Variants in CHD2 observed in about 807,000 individuals in gnomAD.
The protein encoded by CHD2 is chromodomain helicase DNA binding protein 2.
Under a neutral mutation model 243.9 loss-of-function variants are expected in CHD2, and 28 were observed. The ratio of observed to expected loss-of-function variants is 0.11; its 90% CI spans 0.09 to 0.16. The LOEUF (loss-of-function observed/expected upper bound fraction) is 0.16, where lower values mean the gene tolerates loss of function less well. Ranked by LOEUF, CHD2 falls within the 10% of genes least tolerant of loss-of-function variation. CHD2 has a pLI of 1.00. For missense variants in CHD2, 1,386 were observed against 2,209.8 expected (o/e 0.63, Z 7.47); for synonymous variants, 775 against 779.0 (o/e 0.99, Z 0.09).
At chr15:92,922,664 T>G (rs918173064) in intron 2 of CHD2, among the ~76,000 whole-genome samples, 3 of 152,218 alleles carry the variant, frequency 2.0e-5, no homozygotes, top group Admixed American at 1.3e-4. Flanking sequence ...CAGGGACTTT[T>G]CTGTTAATGT....
intron 16 of CHD2, among the ~76,000 whole-genome samples, chr15:92,957,016 T>A (rs980396961): frequency 1.3e-5 from 2 of 152,220 alleles, no homozygotes; most frequent in African/African-American, 4.8e-5. Flanking sequence ...AAATATCTGA[T>A]AACCGAAGCA....
intron 16 of CHD2, among the ~76,000 whole-genome samples, chr15:92,963,531 GA>G (rs912593185): frequency 1.1e-4 from 16 of 151,810 alleles, no homozygotes; most frequent in African/African-American, 3.6e-4. Flanking sequence ...ATAGAAAAGA[GA>G]AAAAAAATAT....
rs185121932 is a variant in CHD2 at position 93,004,791 on chromosome 15, C to T, written c.4413+40C>T. The T allele has an allele frequency of 7.0e-5, 112 of 1,595,120 alleles. 2 individuals carry two copies. In the African/African-American group the frequency reaches 9.8e-4, roughly 14 times the overall value. ...CGGGGGGTGCCAGTGTCTGCAGCCG[C>T]GGTACTTGCTGTGGCTCTGCCTTTT... On this transcript the variant is annotated intron_variant, in intron 34 of 38. Coordinates refer to ENST00000394196, the MANE Select transcript of CHD2 (RefSeq NM_001271.4).
chr15:92,972,168 G>A (rs2053850040), intron 18 of CHD2, 97 bp from the exon 19 acceptor site: 11 of 1,366,152 alleles, frequency 8.1e-6, no homozygotes, highest in Admixed American at 2.4e-5. Flanking sequence ...GCTTCAGAAA[G>A]CTTTAAGATG....
At chr15:92,964,342 T>C (rs2053727948) in intron 16 of CHD2, among the ~76,000 whole-genome samples, 1 of 152,036 alleles carries the variant, frequency 6.6e-6, no homozygotes, top group East Asian at 1.9e-4. Context: ...AGTTAAGGAG[T>C]TCAGATTTGC....
Position 92,984,372 on chromosome 15 carries a change from G to C in CHD2, c.3109G>C (p.Glu1037Gln). The C allele has an allele frequency of 6.2e-7, 1 of 1,604,924 alleles. No homozygotes were observed. Among genetic ancestry groups the C allele is most frequent in the South Asian group, 1.1e-5 (1 of 89,086 alleles). Reference protein sequence around the residue: ...ATMEDEEELEERPHKDWDEII... With the variant: ...ATMEDEEELEQRPHKDWDEII... ...AATGGAAGATGAAGAAGAGCTAGAA[G>C]AGCGTCCTCACAAGGACTGGGATGA... Residue 1037 changes from glutamate to glutamine, a missense_variant, in exon 25 of 39, where the codon GAG becomes CAG. This residue lies in a region of CHD2 where 99 missense variants were observed against 206.4 expected (regional missense o/e 0.48). Coordinates refer to ENST00000394196, the MANE Select transcript of CHD2 (RefSeq NM_001271.4).
intron 24 of CHD2, among the ~76,000 whole-genome samples, chr15:92,983,300 A>C (rs192447749): frequency 2.0e-4 from 31 of 152,344 alleles, no homozygotes; most frequent in African/African-American, 6.5e-4. Flanking sequence ...TTCAAGCACT[A>C]TCTTAAGTTA....
intron 5 of CHD2, among the ~76,000 whole-genome samples, chr15:92,931,440 T>A (rs2053164284): frequency 6.6e-6 from 1 of 152,158 alleles, no homozygotes; most frequent in Non-Finnish European, 1.5e-5. Flanking sequence ...AGTGCAGTGG[T>A]GCAACCTTGG....
Position 93,024,699 on chromosome 15 carries a change from A to G in CHD2, c.5481A>G (p.Lys1827=). 6.2e-7 allele frequency: 1 copy of G among 1,608,982 alleles called. No individual in the cohort carries two copies. The part of the protein sequence containing the change: ...NNPDYNWNVR[K]T ...CAGATTATAACTGGAATGTTCGGAA[A>G]ACATAAAGGACAGCTCGTAAAGGAG... Residue 1827 remains lysine, a synonymous_variant, in exon 39 of 39, where the codon AAA becomes AAG. Transcript: ENST00000394196.
chr15:92,903,288 CAG>C (rs1596361207), intron 2 of CHD2, among the ~76,000 whole-genome samples: 1 of 152,162 alleles, frequency 6.6e-6, no homozygotes, highest in East Asian at 1.9e-4. Flanking sequence ...CTTCTGCCAT[CAG>C]AGTTTTTATT....
At chr15:93,000,761 A>C in intron 32 of CHD2, 121 bp downstream of exon 32, 1 of 1,098,862 alleles carries the variant, frequency 9.1e-7, no homozygotes, top group Non-Finnish European at 1.3e-6. Flanking sequence ...GAAATAGAAT[A>C]TGTAAGTCTT....
chr15:92,901,737 TGTA>T (rs2052531472), intron 2 of CHD2: 1 of 294,244 alleles, frequency 3.4e-6, no homozygotes, highest in Non-Finnish European at 6.2e-6. Flanking sequence ...AGAGAAGCCT[TGTA>T]GTAGTAAATT....
At chr15:92,973,601 G>A (rs1156361223) in intron 19 of CHD2, among the ~76,000 whole-genome samples, 2 of 152,112 alleles carry the variant, frequency 1.3e-5, no homozygotes, top group African/African-American at 4.8e-5. Context: ...ATCTTATATG[G>A]TCTTTCAGTT....
At chr15:92,940,555 A>G (rs906548478) in intron 7 of CHD2, among the ~76,000 whole-genome samples, 1 of 151,762 alleles carries the variant, frequency 6.6e-6, no homozygotes, top group African/African-American at 2.4e-5. Flanking sequence ...TTTGTTCTTC[A>G]TAGAGATGGT....
At chr15:92,903,596 T>C (rs1448040978) in intron 2 of CHD2, among the ~76,000 whole-genome samples, 1 of 150,652 alleles carries the variant, frequency 6.6e-6, no homozygotes, top group Non-Finnish European at 1.5e-5. Context: ...TTAAAAACAT[T>C]TGATTGATAT....
chr15:93,015,790 A>C (rs1483999426), intron 37 of CHD2, among the ~76,000 whole-genome samples: 1 of 152,228 alleles, frequency 6.6e-6, no homozygotes, highest in Non-Finnish European at 1.5e-5. Context: ...GGGAAATGCA[A>C]ATTAAAAGCA....
At chr15:92,956,740 A>G in intron 16 of CHD2, 91 bp downstream of exon 16, 2 of 1,243,104 alleles carry the variant, frequency 1.6e-6, no homozygotes, top group Non-Finnish European at 1.1e-6. Flanking sequence ...GGGAAAACAG[A>G]TGGCATGGTT....
At chr15:93,014,414 C>T (rs966724788) in intron 36 of CHD2, among the ~76,000 whole-genome samples, 3 of 152,160 alleles carry the variant, frequency 2.0e-5, no homozygotes, top group African/African-American at 7.2e-5. Flanking sequence ...CCAGCCTGGG[C>T]GCCTACACCA....
chr15:92,995,795 C>T (rs887941693), intron 28 of CHD2, among the ~76,000 whole-genome samples: 1 of 152,168 alleles, frequency 6.6e-6, no homozygotes, highest in East Asian at 1.9e-4. Context: ...TTGCTGGGTC[C>T]TGGGAAAATG....
Sources: allele counts gnomAD v4.1 joint callset (sites outside exome capture counted in the v4.1 genomes callset), GRCh38; gene constraint gnomAD v4.1.1; regional missense constraint gnomAD v4.1.1; transcripts MANE v1.5; gene names NCBI Gene and HGNC (gene_info 2026-07-23, HGNC 2026-07-21).